SPATS2L: variants seen among roughly 807,000 people sequenced by gnomAD.
SPATS2L encodes SPATS2-like protein.
A neutral mutation model predicts 59.6 loss-of-function variants in SPATS2L; 30 were observed. The observed-to-expected ratio is 0.50, with a 90% CI of 0.38 to 0.68. The LOEUF (loss-of-function observed/expected upper bound fraction) is 0.68, where lower values mean the gene tolerates loss of function less well. Ranked by LOEUF, SPATS2L falls within the 30% of genes least tolerant of loss-of-function variation. The pLI is 0.00. For missense variants in SPATS2L, 615 were observed against 700.0 expected, an observed-to-expected ratio of 0.88 and a Z score of 1.37; for synonymous variants, 252 against 263.5, an observed-to-expected ratio of 0.96 and a Z score of 0.42.
chr2:200,451,737 G>A (rs2085459938), intron 8 of SPATS2L, among the ~76,000 whole-genome samples: 1 of 151,962 alleles, frequency 6.6e-6, no homozygotes, highest in Non-Finnish European at 1.5e-5. Flanking sequence ...TACTATATCA[G>A]TTTCTTCCAG....
chr2:200,398,134 A>G (rs2082414148), intron 3 of SPATS2L, among the ~76,000 whole-genome samples: 2 of 152,192 alleles, frequency 1.3e-5, no homozygotes, highest in Admixed American at 1.3e-4. Context: ...CAGCCTCCTC[A>G]GCTGTTAACT....
At chr2:200,396,259 C>T (rs938514755) in intron 3 of SPATS2L, among the ~76,000 whole-genome samples, 2 of 151,582 alleles carry the variant, frequency 1.3e-5, no homozygotes, top group East Asian at 3.9e-4. Context: ...AGCTGCGCCA[C>T]TCACTGTGAA....
Position 200,315,149 on chromosome 2 carries a change from T to A in SPATS2L, c.-73+8227T>A, listed in dbSNP as rs184368346. Among the ~76,000 whole-genome samples the A allele has an allele frequency of 3.9e-5, 6 of 152,358 alleles. No homozygotes were observed. The East Asian group carries it at 5.8e-4, about 15-fold the overall frequency. On this transcript the variant is annotated intron_variant, in intron 1 of 12. Transcript: ENST00000409140. The stretch of plus-strand genomic sequence containing the variant: ...GTACGAGCCAAGCCCACGAGCTTTT[T>A]GAATGATTAAGTCAGCCCTATTGGC...
At chr2:200,424,862 C>G (rs2083466938) in intron 6 of SPATS2L, among the ~76,000 whole-genome samples, 4 of 152,136 alleles carry the variant, frequency 2.6e-5, no homozygotes, top group Admixed American at 2.6e-4. Context: ...ATGTTGCCTC[C>G]TCGTGTAAAG....
chr2:200,407,868 C>A (rs956717769), intron 3 of SPATS2L, among the ~76,000 whole-genome samples: 9 of 152,188 alleles, frequency 5.9e-5, no homozygotes, highest in African/African-American at 2.2e-4. Flanking sequence ...TGACTCAGAG[C>A]AGCCGCCTGG....
upstream of SPATS2L, chr2:200,306,245 A>G: frequency 2.0e-6 from 2 of 1,002,326 alleles, no homozygotes; most frequent in South Asian, 9.4e-5. Context: ...AAGGAAAAAC[A>G]TCTCGTATTT....
intron 4 of SPATS2L, among the ~76,000 whole-genome samples, chr2:200,414,969 T>G (rs2083006644): frequency 6.6e-6 from 1 of 152,322 alleles, no homozygotes; most frequent in African/African-American, 2.4e-5. Flanking sequence ...TTTAGCATTT[T>G]TAAGTTTTAG....
intron 4 of SPATS2L, among the ~76,000 whole-genome samples, chr2:200,413,512 T>G (rs1328306359): frequency 6.6e-6 from 1 of 152,226 alleles, no homozygotes; most frequent in Non-Finnish European, 1.5e-5. Flanking sequence ...TTGTCCTCAG[T>G]TATCATATGT....
intron 1 of SPATS2L, among the ~76,000 whole-genome samples, chr2:200,312,937 C>T (rs1275506020): frequency 6.6e-6 from 1 of 152,168 alleles, no homozygotes; most frequent in Non-Finnish European, 1.5e-5. Context: ...ATAGTTATCA[C>T]TTATTGATCA....
chr2:200,388,373 C>A (rs1405594344), intron 2 of SPATS2L, among the ~76,000 whole-genome samples: 1 of 151,904 alleles, frequency 6.6e-6, no homozygotes, highest in Non-Finnish European at 1.5e-5. Context: ...GAGTTTGAGA[C>A]CAGCCTGGGC....
At chr2:200,347,879 G>A (rs1279536889) in intron 2 of SPATS2L, among the ~76,000 whole-genome samples, 1 of 152,142 alleles carries the variant, frequency 6.6e-6, no homozygotes, top group Non-Finnish European at 1.5e-5. Flanking sequence ...CATTAATCTG[G>A]ATTAGCTATC....
intron 8 of SPATS2L, among the ~76,000 whole-genome samples, chr2:200,447,383 G>A (rs932282559): frequency 1.3e-5 from 2 of 152,174 alleles, no homozygotes; most frequent in African/African-American, 4.8e-5. Flanking sequence ...CATATCTTAC[G>A]GTGCCGTAGT....
At chr2:200,308,908 T>C (rs2079109497) in intron 1 of SPATS2L, 1 of 619,222 alleles carries the variant, frequency 1.6e-6, no homozygotes, top group Non-Finnish European at 2.9e-6. Context: ...ATGAAAGTCT[T>C]CAGTAAATAG....
At chr2:200,460,835 CAG>C (rs1340927473) in intron 9 of SPATS2L, 1 of 151,236 alleles carries the variant, frequency 6.6e-6, no homozygotes, top group African/African-American at 2.4e-5. Context: ...TTGTTTTTTA[CAG>C]AGTCTCACCC....
At chr2:200,327,006 C>A (rs983972302) in intron 1 of SPATS2L, among the ~76,000 whole-genome samples, 5 of 151,018 alleles carry the variant, frequency 3.3e-5, no homozygotes, top group African/African-American at 1.2e-4. Flanking sequence ...CTCGGCCTCC[C>A]AAAATGCTAG....
chr2:200,413,654 G>A (rs1427154738), intron 4 of SPATS2L, among the ~76,000 whole-genome samples: 1 of 152,166 alleles, frequency 6.6e-6, no homozygotes, highest in East Asian at 1.9e-4. Flanking sequence ...AGGACAGTTT[G>A]ATTTACTTAT....
At chr2:200,345,509 T>C (rs1028284645) in intron 2 of SPATS2L, among the ~76,000 whole-genome samples, 2 of 152,280 alleles carry the variant, frequency 1.3e-5, no homozygotes, top group Admixed American at 1.3e-4. Flanking sequence ...GATTATTAGC[T>C]TTCTTCCTAG....
chr2:200,451,649 G>C (rs745633353), intron 8 of SPATS2L, among the ~76,000 whole-genome samples: 8 of 152,108 alleles, frequency 5.3e-5, no homozygotes, highest in Non-Finnish European at 1.0e-4. Flanking sequence ...ATGAGAGCCT[G>C]CCTGGAGGCC....
chr2:200,325,394 T>A (rs917653332), intron 1 of SPATS2L, among the ~76,000 whole-genome samples: 20 of 152,176 alleles, frequency 1.3e-4, no homozygotes, highest in Non-Finnish European at 2.2e-4. Context: ...TTATTTATTT[T>A]TTTAGACAGA....
Sources: gnomAD v4.1 joint callset for allele counts (sites outside exome capture counted in the v4.1 genomes callset) on GRCh38, gnomAD v4.1.1 for gene constraint, MANE v1.5 for transcripts, NCBI Gene and HGNC (gene_info 2026-07-23, HGNC 2026-07-21) for gene names.